Variants in SMOC1 observed in about 807,000 individuals in gnomAD.
SMOC1 encodes SPARC-related modular calcium-binding protein 1.
A neutral mutation model predicts 56.3 loss-of-function variants in SMOC1; 22 were observed. The observed-to-expected ratio is 0.39, with a 90% CI of 0.28 to 0.56. SMOC1 has a LOEUF of 0.56. Among genes scored for constraint, SMOC1 ranks in the 20% least tolerant of loss-of-function variants. SMOC1 has a pLI of 0.61. For missense variants in SMOC1, 509 were observed against 565.4 expected, an observed-to-expected ratio of 0.90 and a Z score of 1.01; for synonymous variants, 193 against 215.0, an observed-to-expected ratio of 0.90 and a Z score of 0.89.
chr14:70,025,869 C>T (rs1223096646), intron 11 of SMOC1, among the ~76,000 whole-genome samples: 1 of 152,196 alleles, frequency 6.6e-6, no homozygotes, highest in Non-Finnish European at 1.5e-5. Context: ...TCTCATAGGA[C>T]TGTTGTGCTG....
chr14:69,906,842 T>A (rs566149461), intron 1 of SMOC1, among the ~76,000 whole-genome samples: 2 of 152,006 alleles, frequency 1.3e-5, no homozygotes, highest in Non-Finnish European at 2.9e-5. Flanking sequence ...AAGAGAGGAA[T>A]GGAAATGGAG....
At chr14:70,020,460 C>T (rs957001435) in intron 10 of SMOC1, among the ~76,000 whole-genome samples, 1 of 152,124 alleles carries the variant, frequency 6.6e-6, no homozygotes, top group African/African-American at 2.4e-5. Context: ...CGAAGGAGTT[C>T]AGAAGCAGAG....
intron 1 of SMOC1, among the ~76,000 whole-genome samples, chr14:69,933,805 A>G (rs1330894650): frequency 6.6e-6 from 1 of 152,254 alleles, no homozygotes; most frequent in Non-Finnish European, 1.5e-5. Flanking sequence ...GGCATGAGCC[A>G]TCGCGCCTGG....
At chr14:70,000,108 T>C (rs1884911816) in intron 7 of SMOC1, among the ~76,000 whole-genome samples, 2 of 152,224 alleles carry the variant, frequency 1.3e-5, no homozygotes, top group African/African-American at 4.8e-5. Context: ...CTACAGTCTC[T>C]GCTTAGATCT....
intron 1 of SMOC1, among the ~76,000 whole-genome samples, chr14:69,951,074 G>C (rs1882978730): frequency 6.6e-6 from 1 of 152,172 alleles, no homozygotes; most frequent in African/African-American, 2.4e-5. Flanking sequence ...TGCCTGGGTT[G>C]GTTGGGCATT....
intron 1 of SMOC1, among the ~76,000 whole-genome samples, chr14:69,942,543 C>T (rs553302577): frequency 3.9e-4 from 60 of 152,228 alleles, no homozygotes; most frequent in Middle Eastern, 6.8e-3. Flanking sequence ...ATATTTCCAT[C>T]GCCCACAAAC....
At chr14:69,993,108 G>T (rs1884622416) in intron 6 of SMOC1, among the ~76,000 whole-genome samples, 1 of 152,190 alleles carries the variant, frequency 6.6e-6, no homozygotes, top group Non-Finnish European at 1.5e-5. Context: ...AGAGGGGAAT[G>T]AGGTAGGGAT....
chr14:70,001,487 A>G (rs1392075135), intron 7 of SMOC1, among the ~76,000 whole-genome samples: 1 of 152,192 alleles, frequency 6.6e-6, no homozygotes, highest in Non-Finnish European at 1.5e-5. Flanking sequence ...TAGTGATTAT[A>G]AAAAGCAGAT....
chr14:69,964,924 A>G (rs374564190), intron 3 of SMOC1, among the ~76,000 whole-genome samples: 9 of 152,244 alleles, frequency 5.9e-5, no homozygotes, highest in Admixed American at 3.9e-4. Flanking sequence ...GATCCTAACC[A>G]TGATTCCACA....
intron 11 of SMOC1, among the ~76,000 whole-genome samples, chr14:70,025,986 G>A (rs1338989934): frequency 6.6e-6 from 1 of 152,180 alleles, no homozygotes; most frequent in African/African-American, 2.4e-5. Flanking sequence ...AACTTACACT[G>A]TGTTGCAGTT....
At chr14:69,882,717 G>T (rs897365732) in intron 1 of SMOC1, among the ~76,000 whole-genome samples, 3 of 152,230 alleles carry the variant, frequency 2.0e-5, no homozygotes, top group Non-Finnish European at 4.4e-5. Flanking sequence ...CCAACTGCCT[G>T]TCTTTGTTAA....
chr14:69,974,591 C>T (rs143175940), intron 3 of SMOC1, among the ~76,000 whole-genome samples: 6 of 151,922 alleles, frequency 3.9e-5, no homozygotes, highest in South Asian at 2.1e-4. Flanking sequence ...GATCCCAACG[C>T]GAATCACTGA....
chr14:69,980,064 T>TG (rs148734821), intron 5 of SMOC1, among the ~76,000 whole-genome samples: 6,646 of 152,144 alleles, frequency 0.044, 211 homozygotes, highest in Middle Eastern at 0.075. Context: ...CAGCTGGAAG[T>TG]GGGGGGGTGA....
chr14:69,910,743 C>G (rs1214133778), intron 1 of SMOC1, among the ~76,000 whole-genome samples: 1 of 152,130 alleles, frequency 6.6e-6, no homozygotes, highest in Non-Finnish European at 1.5e-5. Flanking sequence ...AAATGCACCT[C>G]TGGTCAGGAT....
chr14:70,016,213 C>T (rs1885506088), intron 10 of SMOC1, among the ~76,000 whole-genome samples: 2 of 152,224 alleles, frequency 1.3e-5, no homozygotes, highest in South Asian at 2.1e-4. Flanking sequence ...GGGATTTTTA[C>T]AGGCAATGAA....
intron 3 of SMOC1, among the ~76,000 whole-genome samples, chr14:69,955,418 A>G (rs1439788012): frequency 6.6e-6 from 1 of 152,102 alleles, no homozygotes; most frequent in Non-Finnish European, 1.5e-5. Context: ...ATTGATTATT[A>G]TGATTGCTTA....
intron 1 of SMOC1, among the ~76,000 whole-genome samples, chr14:69,911,275 G>A (rs576988379): frequency 2.4e-4 from 36 of 152,262 alleles, no homozygotes; most frequent in African/African-American, 8.4e-4. Flanking sequence ...AATAGGTTAG[G>A]GCAGATACTG....
At chr14:69,938,463 A>T (rs1882410316) in intron 1 of SMOC1, among the ~76,000 whole-genome samples, 1 of 150,530 alleles carries the variant, frequency 6.6e-6, no homozygotes, top group South Asian at 2.1e-4. Context: ...CGTGAGGGCT[A>T]ACGGCAGCTC....
At chr14:70,014,174 G>A (rs547120337) in intron 10 of SMOC1, among the ~76,000 whole-genome samples, 58 of 152,334 alleles carry the variant, frequency 3.8e-4, no homozygotes, top group African/African-American at 1.3e-3. Context: ...CTGGGCTAAG[G>A]ATGAGGTATC....
Sources: gnomAD v4.1 joint callset for allele counts (sites outside exome capture counted in the v4.1 genomes callset) on GRCh38, gnomAD v4.1.1 for gene constraint, MANE v1.5 for transcripts, NCBI Gene and HGNC (gene_info 2026-07-23, HGNC 2026-07-21) for gene names.